The following COL5A2 variants were observed in gnomAD, a reference collection of about 807,000 sequenced individuals.
COL5A2 encodes collagen type V alpha 2 chain.
COL5A2 carries 23 observed loss-of-function variants against 208.2 expected under a neutral mutation model. That is an observed-to-expected ratio of 0.11 (90% CI 0.08 to 0.16). The LOEUF (loss-of-function observed/expected upper bound fraction) is 0.16, where lower values mean the gene tolerates loss of function less well. Among genes scored for constraint, COL5A2 ranks in the 10% least tolerant of loss-of-function variants. The pLI is 1.00. For missense variants in COL5A2, 1,590 were observed against 1,956.4 expected, an observed-to-expected ratio of 0.81 and a Z score of 3.53; for synonymous variants, 625 against 628.5, an observed-to-expected ratio of 0.99 and a Z score of 0.08.
At chr2:189,291,799 G>C in the COL5A2 span, among the ~76,000 whole-genome samples, 1 of 147,290 alleles carries the variant, frequency 6.8e-6, no homozygotes, top group Non-Finnish European at 1.5e-5. Context: ...TAAGCTCTTT[G>C]GTTTAAAAAA....
the COL5A2 span, among the ~76,000 whole-genome samples, chr2:189,273,650 C>T: frequency 2.6e-5 from 4 of 152,172 alleles, no homozygotes; most frequent in Non-Finnish European, 4.4e-5. Flanking sequence ...GGTATATATA[C>T]ACAATGGAAT....
the COL5A2 span, among the ~76,000 whole-genome samples, chr2:189,363,493 T>C: frequency 6.6e-6 from 1 of 152,200 alleles, no homozygotes; most frequent in African/African-American, 2.4e-5. Flanking sequence ...CATCTTCACA[T>C]TCCTAGGATA....
chr2:189,376,876 A>G, the COL5A2 span, among the ~76,000 whole-genome samples: 1 of 152,166 alleles, frequency 6.6e-6, no homozygotes, highest in Non-Finnish European at 1.5e-5. Flanking sequence ...TAAAGTTCCA[A>G]TCCCAGGAAC....
intron 1 of COL5A2, among the ~76,000 whole-genome samples, chr2:189,124,487 T>G (rs1029649841): frequency 6.6e-6 from 1 of 152,262 alleles, no homozygotes; most frequent in African/African-American, 2.4e-5. Flanking sequence ...ATATTCAGCT[T>G]GCATTATATA....
chr2:189,187,609 C>T (rs1014667429), intron 1 of COL5A2, among the ~76,000 whole-genome samples: 2 of 152,076 alleles, frequency 1.3e-5, no homozygotes, highest in African/African-American at 4.8e-5. Flanking sequence ...TACATAAGTG[C>T]TGGTTAAATA....
chr2:189,278,338 T>C, the COL5A2 span, among the ~76,000 whole-genome samples: 6 of 152,102 alleles, frequency 3.9e-5, no homozygotes, highest in South Asian at 2.1e-4. Flanking sequence ...TTATTGGTTT[T>C]TATACAGGAA....
the COL5A2 span, among the ~76,000 whole-genome samples, chr2:189,420,654 A>G: frequency 7.2e-5 from 11 of 152,098 alleles, no homozygotes; most frequent in Non-Finnish European, 8.8e-5. Context: ...AAAAGAATGA[A>G]ATCAGAGAAG....
chr2:189,222,309 G>A (rs1035865902), intron 1 of COL5A2, among the ~76,000 whole-genome samples: 1 of 151,994 alleles, frequency 6.6e-6, no homozygotes, highest in Admixed American at 6.6e-5. Context: ...TTGAGGGTGT[G>A]GTCCACATAT....
At chr2:189,069,890 C>G (rs564602547) in intron 18 of COL5A2, among the ~76,000 whole-genome samples, 32 of 152,270 alleles carry the variant, frequency 2.1e-4, no homozygotes, top group African/African-American at 7.5e-4. Flanking sequence ...TAAGTCTAAT[C>G]AACTTAATTT....
the COL5A2 span, among the ~76,000 whole-genome samples, chr2:189,386,199 T>G: frequency 0.038 from 5,853 of 152,082 alleles, 136 homozygotes; most frequent in South Asian, 0.05. Flanking sequence ...ACAGCCAAAC[T>G]TATATCAATA....
intron 35 of COL5A2, among the ~76,000 whole-genome samples, chr2:189,055,626 A>G (rs1685886376): frequency 6.6e-6 from 1 of 152,210 alleles, no homozygotes; most frequent in African/African-American, 2.4e-5. Context: ...TATAAATATC[A>G]CTTCATTACT....
the COL5A2 span, among the ~76,000 whole-genome samples, chr2:189,340,850 G>A: frequency 0.033 from 4,951 of 152,138 alleles, 122 homozygotes; most frequent in Non-Finnish European, 0.048. Flanking sequence ...AGCAGCACAA[G>A]GATTAATTAA....
the COL5A2 span, among the ~76,000 whole-genome samples, chr2:189,336,366 C>T: frequency 6.6e-6 from 1 of 152,104 alleles, no homozygotes; most frequent in Admixed American, 6.5e-5. Context: ...AATCCCACTG[C>T]CAGGAATTTA....
intron 35 of COL5A2, among the ~76,000 whole-genome samples, chr2:189,054,501 G>A (rs1232080239): frequency 1.3e-5 from 2 of 152,190 alleles, no homozygotes; most frequent in Middle Eastern, 3.4e-3. Context: ...TTAATGCTAA[G>A]CTACAAAAAT....
At chr2:189,103,641 A>C (rs1687091362) in intron 3 of COL5A2, among the ~76,000 whole-genome samples, 1 of 152,072 alleles carries the variant, frequency 6.6e-6, no homozygotes, top group African/African-American at 2.4e-5. Flanking sequence ...GACCAAGCTG[A>C]CCAGCTATAC....
chr2:189,091,255 A>G (rs1686777481), intron 7 of COL5A2, among the ~76,000 whole-genome samples: 1 of 152,174 alleles, frequency 6.6e-6, no homozygotes. Flanking sequence ...AATTACTGTA[A>G]TCTCATAATA....
the COL5A2 span, among the ~76,000 whole-genome samples, chr2:189,440,887 T>C: frequency 3.3e-5 from 5 of 151,838 alleles, no homozygotes; most frequent in Non-Finnish European, 7.4e-5. Flanking sequence ...AATCCCGGAG[T>C]AGGAGCCAGA....
At chr2:189,402,291 C>T in the COL5A2 span, among the ~76,000 whole-genome samples, 1 of 152,208 alleles carries the variant, frequency 6.6e-6, no homozygotes, top group African/African-American at 2.4e-5. Flanking sequence ...GATCTTGGCT[C>T]ACTGCAACCT....
At chr2:189,062,415 C>A (rs901152888) in intron 29 of COL5A2, among the ~76,000 whole-genome samples, 1 of 151,992 alleles carries the variant, frequency 6.6e-6, no homozygotes, top group African/African-American at 2.4e-5. Context: ...AACTCCTGAC[C>A]TCAGGTAATC....
Sources: gnomAD v4.1 joint callset for allele counts (sites outside exome capture counted in the v4.1 genomes callset) on GRCh38, gnomAD v4.1.1 for gene constraint, MANE v1.5 for transcripts, NCBI Gene and HGNC (gene_info 2026-07-23, HGNC 2026-07-21) for gene names.